The following GRB2 variants were observed in gnomAD, a reference collection of about 807,000 sequenced individuals.
GRB2 encodes growth factor receptor bound protein 2, also known as growth factor receptor-bound protein 2.
In GRB2, 2 loss-of-function variants were observed where a neutral mutation model predicts 27.4. That is an observed-to-expected ratio of 0.07 (90% CI 0.03 to 0.23). The LOEUF (loss-of-function observed/expected upper bound fraction) is 0.23. Among genes scored for constraint, GRB2 ranks in the 10% least tolerant of loss-of-function variants. The probability of loss-of-function intolerance (pLI) is 1.00; values close to 1 mark genes in which losing one functional copy is unlikely to be tolerated. For missense variants in GRB2, 102 were observed against 282.4 expected (o/e 0.36, Z 4.58); for synonymous variants, 94 against 99.6 (o/e 0.94, Z 0.33).
intron 1 of GRB2, among the ~76,000 whole-genome samples, chr17:75,397,975 G>A (rs1192191054): frequency 6.6e-6 from 1 of 151,582 alleles, no homozygotes; most frequent in African/African-American, 2.4e-5. Context: ...CCAAGTAGCT[G>A]GGACTACAGG....
chr17:75,373,925 C>G (rs1200722098), intron 2 of GRB2, among the ~76,000 whole-genome samples: 1 of 149,280 alleles, frequency 6.7e-6, no homozygotes. Flanking sequence ...TCCCGAGTAG[C>G]TGGGACTACA....
At chr17:75,339,401 G>C (rs765900644) in intron 2 of GRB2, among the ~76,000 whole-genome samples, 1 of 151,452 alleles carries the variant, frequency 6.6e-6, no homozygotes, top group Non-Finnish European at 1.5e-5. Flanking sequence ...CACTATGTTG[G>C]CCAGGATGGT....
chr17:75,401,718 G>GA (rs1484797168), intron 1 of GRB2, among the ~76,000 whole-genome samples: 1 of 152,160 alleles, frequency 6.6e-6, no homozygotes, highest in Admixed American at 6.6e-5. Context: ...CCCTTAACTG[G>GA]AAAATGGGAA....
At chr17:75,337,954 A>G (rs1175119180) in intron 2 of GRB2, among the ~76,000 whole-genome samples, 1 of 127,642 alleles carries the variant, frequency 7.8e-6, no homozygotes, top group African/African-American at 3.0e-5. Context: ...TTATTGAGAC[A>G]GAGTCTCACT....
intron 2 of GRB2, among the ~76,000 whole-genome samples, chr17:75,361,496 A>T (rs1318851170): frequency 1.3e-5 from 2 of 152,152 alleles, no homozygotes; most frequent in African/African-American, 4.8e-5. Context: ...CTCCTTACCA[A>T]CTAACTGCGT....
chr17:75,327,568 A>T (rs1174058449), intron 3 of GRB2, among the ~76,000 whole-genome samples: 1 of 145,188 alleles, frequency 6.9e-6, no homozygotes, highest in Non-Finnish European at 1.5e-5. Flanking sequence ...ACGGGGTTTC[A>T]CCATATTGGC....
At chr17:75,334,166 G>GATTT (rs528479362) in intron 2 of GRB2, among the ~76,000 whole-genome samples, 15 of 151,654 alleles carry the variant, frequency 9.9e-5, no homozygotes, top group African/African-American at 3.4e-4. Context: ...TTTTTTTTTA[G>GATTT]ATTTATTTAT....
chr17:75,340,173 C>G (rs2078611383), intron 2 of GRB2, among the ~76,000 whole-genome samples: 1 of 152,222 alleles, frequency 6.6e-6, no homozygotes, highest in African/African-American at 2.4e-5. Flanking sequence ...CAGAAAAGTT[C>G]AACATTTCTT....
chr17:75,365,762 A>G (rs1368479496), intron 2 of GRB2, among the ~76,000 whole-genome samples: 3 of 152,228 alleles, frequency 2.0e-5, no homozygotes, highest in African/African-American at 7.2e-5. Context: ...GTTAGAAACA[A>G]TTAATAACCA....
intron 2 of GRB2, among the ~76,000 whole-genome samples, chr17:75,383,037 T>TG (rs1567873625): frequency 6.6e-6 from 1 of 152,086 alleles, no homozygotes; most frequent in Non-Finnish European, 1.5e-5. Context: ...AAAAGTTGTT[T>TG]GGGAAAAACA....
intron 2 of GRB2, among the ~76,000 whole-genome samples, chr17:75,378,158 G>C (rs1453128346): frequency 2.0e-5 from 3 of 152,050 alleles, no homozygotes; most frequent in African/African-American, 7.2e-5. Context: ...GGCCGAGGTG[G>C]GGGGGAGGAT....
intron 2 of GRB2, among the ~76,000 whole-genome samples, chr17:75,349,443 T>C (rs1314009489): frequency 6.6e-6 from 1 of 151,832 alleles, no homozygotes; most frequent in Non-Finnish European, 1.5e-5. Context: ...CGAGGACACA[T>C]GTAGGCTTGC....
chr17:75,366,500 C>CA (rs34051020), intron 2 of GRB2, among the ~76,000 whole-genome samples: 1,247 of 111,842 alleles, frequency 0.011, 69 homozygotes, highest in East Asian at 0.046. Context: ...GATCAGCTTC[C>CA]AAAAAAAAAA....
intron 2 of GRB2, chr17:75,344,263 G>C (rs1372025743): frequency 2.0e-5 from 3 of 152,142 alleles, no homozygotes; most frequent in African/African-American, 7.2e-5. Flanking sequence ...TCTGCAAGTA[G>C]ACAGATTGTT....
rs1159613812 is a variant in GRB2 at position 75,321,508 on chromosome 17, G to A, written c.468+151C>T. 4 of 671,524 alleles carry A rather than the reference G, an allele frequency of 6.0e-6. No individual in the cohort carries two copies. In the Middle Eastern group the frequency reaches 1.2e-3, roughly 202 times the overall value. The allele number at this position is 671,524 out of a possible 1,614,324, so 41.6% of individuals were successfully genotyped here. A position where few individuals can be genotyped will look rare whatever the true frequency, so the allele number is the denominator to read the frequency against. On this transcript the variant is annotated intron_variant, in intron 5 of 5. Transcript: ENST00000316804. ...AAGAACTCTTTAGTGTGAATGGAGG[G>A]TAACATTTTCAGTAAGGAGCACAGA...
At chr17:75,385,616 T>A (rs761039806) in intron 2 of GRB2, among the ~76,000 whole-genome samples, 1 of 152,206 alleles carries the variant, frequency 6.6e-6, no homozygotes, top group Non-Finnish European at 1.5e-5. Context: ...TGGATCTGAA[T>A]CCTAACTTGT....
chr17:75,367,254 G>T (rs144151226), intron 2 of GRB2, among the ~76,000 whole-genome samples: 24 of 152,018 alleles, frequency 1.6e-4, no homozygotes, highest in African/African-American at 5.8e-4. Flanking sequence ...CACTGCAGCC[G>T]CGACCTCCCA....
chr17:75,358,633 G>A (rs1303226806), intron 2 of GRB2, among the ~76,000 whole-genome samples: 1 of 149,310 alleles, frequency 6.7e-6, no homozygotes, highest in African/African-American at 2.5e-5. Flanking sequence ...GGGAGGCTGA[G>A]GCAGGCGGAT....
At chr17:75,369,103 A>G (rs1385614755) in intron 2 of GRB2, among the ~76,000 whole-genome samples, 1 of 152,196 alleles carries the variant, frequency 6.6e-6, no homozygotes, top group African/African-American at 2.4e-5. Context: ...GAACCCAGAT[A>G]AGCTGGCTCC....
Sources: gnomAD v4.1 joint callset for allele counts (sites outside exome capture counted in the v4.1 genomes callset) on GRCh38, gnomAD v4.1.1 for gene constraint, MANE v1.5 for transcripts, NCBI Gene and HGNC (gene_info 2026-07-23, HGNC 2026-07-21) for gene names.